Variants in FAM210A observed in about 807,000 individuals in gnomAD.
FAM210A encodes family with sequence similarity 210 member A.
A neutral mutation model predicts 25.3 loss-of-function variants in FAM210A; 13 were observed. The ratio of observed to expected loss-of-function variants is 0.51; its 90% CI spans 0.33 to 0.82. FAM210A has a LOEUF of 0.82. Among genes scored for constraint, FAM210A ranks in the 40% least tolerant of loss-of-function variants. The probability of loss-of-function intolerance (pLI) is 0.02; values close to 1 mark genes in which losing one functional copy is unlikely to be tolerated. For missense variants in FAM210A, 319 were observed against 323.2 expected (o/e 0.99, Z 0.10); for synonymous variants, 125 against 118.7 (o/e 1.05, Z -0.35).
intron 2 of FAM210A, among the ~76,000 whole-genome samples, chr18:13,677,746 C>A (rs765499566): frequency 2.0e-5 from 3 of 152,128 alleles, no homozygotes; most frequent in South Asian, 2.1e-4. Flanking sequence ...TTGGTGAAGG[C>A]AGGGTCGGTA....
chr18:13,725,513 T>C (rs2043934516), intron 1 of FAM210A, among the ~76,000 whole-genome samples: 1 of 152,246 alleles, frequency 6.6e-6, no homozygotes, highest in South Asian at 2.1e-4. Flanking sequence ...GGAAGGCTGG[T>C]AAAGCACATT....
chr18:13,694,862 T>C (rs1021477327), intron 1 of FAM210A, among the ~76,000 whole-genome samples: 14 of 152,190 alleles, frequency 9.2e-5, no homozygotes, highest in Non-Finnish European at 1.5e-5. Context: ...CCAAAATTGA[T>C]AAATGGGATC....
chr18:13,714,835 C>A (rs144945415), intron 1 of FAM210A, among the ~76,000 whole-genome samples: 1 of 152,110 alleles, frequency 6.6e-6, no homozygotes, highest in Non-Finnish European at 1.5e-5. Flanking sequence ...GGGGATTTAA[C>A]ACCCCATAAT....
intron 1 of FAM210A, among the ~76,000 whole-genome samples, chr18:13,694,454 T>C (rs1451422133): frequency 1.3e-5 from 2 of 152,248 alleles, no homozygotes; most frequent in Non-Finnish European, 2.9e-5. Context: ...TCATGCTACC[T>C]GACTTCAAAC....
intron 1 of FAM210A, among the ~76,000 whole-genome samples, chr18:13,714,064 A>G (rs951462321): frequency 6.6e-6 from 1 of 152,238 alleles, no homozygotes; most frequent in Non-Finnish European, 1.5e-5. Context: ...AGAACTTAAC[A>G]GTGGAGCTTT....
At chr18:13,705,194 C>G (rs114051652) in intron 1 of FAM210A, among the ~76,000 whole-genome samples, 1,729 of 152,238 alleles carry the variant, frequency 0.011, 33 homozygotes, top group African/African-American at 0.039. Context: ...TTTAAATATA[C>G]AATTTAAATG....
intron 1 of FAM210A, among the ~76,000 whole-genome samples, chr18:13,703,420 A>G (rs1204653995): frequency 6.6e-6 from 1 of 152,238 alleles, no homozygotes; most frequent in Non-Finnish European, 1.5e-5. Flanking sequence ...GGGATGCCAT[A>G]CAATTAAATG....
intron 1 of FAM210A, among the ~76,000 whole-genome samples, chr18:13,701,566 A>G (rs2149065301): frequency 6.6e-6 from 1 of 152,344 alleles, no homozygotes; most frequent in Admixed American, 6.5e-5. Context: ...GGAACCTGAG[A>G]CTATAGCCAA....
chr18:13,677,772 A>T (rs1408557809), intron 2 of FAM210A, among the ~76,000 whole-genome samples: 1 of 152,148 alleles, frequency 6.6e-6, no homozygotes, highest in African/African-American at 2.4e-5. Flanking sequence ...CCACTGTAAA[A>T]GCAGCTTTCC....
At chr18:13,720,189 C>T (rs2043887780) in intron 1 of FAM210A, among the ~76,000 whole-genome samples, 1 of 152,198 alleles carries the variant, frequency 6.6e-6, no homozygotes, top group South Asian at 2.1e-4. Flanking sequence ...TCCTAAGGTT[C>T]TACACTGTAT....
intron 3 of FAM210A, among the ~76,000 whole-genome samples, chr18:13,667,648 G>A (rs1256198513): frequency 6.6e-6 from 1 of 152,144 alleles, no homozygotes; most frequent in Non-Finnish European, 1.5e-5. Flanking sequence ...GAACCCGGTG[G>A]CAGAGGTTGC....
At chr18:13,724,262 T>A (rs1172556069) in intron 1 of FAM210A, among the ~76,000 whole-genome samples, 1 of 152,212 alleles carries the variant, frequency 6.6e-6, no homozygotes, top group Non-Finnish European at 1.5e-5. Context: ...CAACGTCCAG[T>A]TCTGAGTATG....
At chr18:13,698,070 T>C (rs1208833226) in intron 1 of FAM210A, among the ~76,000 whole-genome samples, 16 of 152,096 alleles carry the variant, frequency 1.1e-4, no homozygotes, top group Admixed American at 1.0e-3. Context: ...AATTAAGAAC[T>C]GGCCGGGCGT....
At chr18:13,703,424 T>C (rs2043756196) in intron 1 of FAM210A, among the ~76,000 whole-genome samples, 1 of 152,198 alleles carries the variant, frequency 6.6e-6, no homozygotes, top group Non-Finnish European at 1.5e-5. Context: ...TGCCATACAA[T>C]TAAATGCACA....
intron 1 of FAM210A, among the ~76,000 whole-genome samples, chr18:13,682,715 AAAAATTAGCCGGGAATGGT>A (rs1420129694): frequency 6.6e-6 from 1 of 152,192 alleles, no homozygotes; most frequent in Non-Finnish European, 1.5e-5. Flanking sequence ...CTAAAAATAC[AAAAATTAGCCGGGAATGGT>A]GGTGTGTGCC....
chr18:13,700,574 C>A (rs1568485583), intron 1 of FAM210A, among the ~76,000 whole-genome samples: 1 of 152,182 alleles, frequency 6.6e-6, no homozygotes, highest in Non-Finnish European at 1.5e-5. Flanking sequence ...CCAGACTTTA[C>A]CTCTCACTTC....
intron 1 of FAM210A, among the ~76,000 whole-genome samples, chr18:13,713,735 C>CACACACACACACA (rs2043839312): frequency 3.3e-5 from 5 of 151,434 alleles, no homozygotes; most frequent in Admixed American, 2.0e-4. Context: ...AACACACACA[C>CACACACACACACA]ACACACACAC....
Position 13,681,911 on chromosome 18 carries a change from A to G in FAM210A, c.167T>C (p.Leu56Ser). ...VLVQGPQKQW[L>S]HLSAAQCVAK... ...AACACACTGGGCAGCAGATAAATGCAACCATTGTTTTTGAGGGCCTTGTAC... is the reference window on the plus strand; with the variant it reads ...AACACACTGGGCAGCAGATAAATGCGACCATTGTTTTTGAGGGCCTTGTAC... Residue 56 changes from leucine (L) to serine (S), a missense_variant, in exon 2 of 4, where the codon TTG becomes TCG. Transcript: ENST00000651643. 1 of 1,614,200 alleles carries G rather than the reference A, an allele frequency of 6.2e-7. No homozygotes were observed. The highest frequency in any genetic ancestry group is 8.5e-7 in the Non-Finnish European group (1 of 1,180,034).
intron 1 of FAM210A, among the ~76,000 whole-genome samples, chr18:13,700,641 T>C (rs910144724): frequency 3.3e-5 from 5 of 152,228 alleles, no homozygotes; most frequent in Non-Finnish European, 7.3e-5. Flanking sequence ...ATCCTTAAAA[T>C]CTTCATCTCC....
Sources: gnomAD v4.1 joint callset for allele counts (sites outside exome capture counted in the v4.1 genomes callset) on GRCh38, gnomAD v4.1.1 for gene constraint, MANE v1.5 for transcripts, NCBI Gene and HGNC (gene_info 2026-07-23, HGNC 2026-07-21) for gene names.